Variants in ADAM18 observed in about 807,000 individuals in gnomAD.
ADAM18 encodes disintegrin and metalloproteinase domain-containing protein 18.
In ADAM18, 117 loss-of-function variants were observed where a neutral mutation model predicts 94.4. That is an observed-to-expected ratio of 1.24 (90% CI 1.07 to 1.45). The LOEUF is 1.45. ADAM18 is among the 40% of genes most tolerant of loss of function. The probability of loss-of-function intolerance (pLI) is 0.00; values close to 1 mark genes in which losing one functional copy is unlikely to be tolerated. For missense variants in ADAM18, 936 were observed against 880.0 expected, an observed-to-expected ratio of 1.06 and a Z score of -0.81; for synonymous variants, 327 against 291.6, an observed-to-expected ratio of 1.12 and a Z score of -1.24.
intron 2 of ADAM18, among the ~76,000 whole-genome samples, chr8:39,587,614 T>C (rs1818442846): frequency 6.6e-6 from 1 of 152,202 alleles, no homozygotes; most frequent in African/African-American, 2.4e-5. Flanking sequence ...CTGGATAATT[T>C]TGTATTTTTT....
In ADAM18 at chr8:39,637,666, C is replaced by A. The variant is rs1820121587; in HGVS notation, c.790C>A (p.Leu264Ile). The change falls in exon 9 of 20, where the codon CTC (leucine) becomes ATC (isoleucine). Residue 264 changes from leucine to isoleucine, a missense_variant. Transcript: ENST00000265707. ...QRFLAWKRDY[L>I]ILRPHDIAYL... ...ATTTTTGGCATGGAAACGGGACTATCTCATCCTACGGCCCCATGACATAGC... is the reference window on the plus strand; with the variant it reads ...ATTTTTGGCATGGAAACGGGACTATATCATCCTACGGCCCCATGACATAGC... 6.2e-7 allele frequency: 1 copy of A among 1,611,958 alleles called. No individual in the cohort carries two copies. The highest frequency in any genetic ancestry group is 1.7e-5 in the Admixed American group (1 of 59,722).
At chr8:39,705,424 T>C (rs540871669) in intron 17 of ADAM18, among the ~76,000 whole-genome samples, 1 of 152,198 alleles carries the variant, frequency 6.6e-6, no homozygotes, top group South Asian at 2.1e-4. Flanking sequence ...AGGATTACAG[T>C]TGTGGAATAA....
At chr8:39,600,099 T>G (rs1818859702) in intron 2 of ADAM18, among the ~76,000 whole-genome samples, 2 of 152,182 alleles carry the variant, frequency 1.3e-5, no homozygotes, top group Non-Finnish European at 2.9e-5. Context: ...AAAGTTTTCA[T>G]CTGTTCTTGG....
chr8:39,605,036 G>C (rs556640418), intron 2 of ADAM18, among the ~76,000 whole-genome samples: 28 of 152,076 alleles, frequency 1.8e-4, no homozygotes, highest in Non-Finnish European at 3.4e-4. Context: ...AGCTTACATT[G>C]GTTTAAGGGA....
intron 12 of ADAM18, among the ~76,000 whole-genome samples, chr8:39,649,604 G>A (rs1167450579): frequency 6.6e-6 from 1 of 152,156 alleles, no homozygotes; most frequent in Non-Finnish European, 1.5e-5. Context: ...TAGGCAGATT[G>A]ACACTAAGAG....
chr8:39,729,880 T>C lies in ADAM18; in HGVS notation c.2178-18T>C. ...ACATATTGTGAATTTCTATTTTTTC[T>C]GTTTTTCTTCACTATAGTAATTCAT... On this transcript the variant is annotated intron_variant, in intron 19 of 19. Transcript: ENST00000265707. 6.2e-7 allele frequency: 1 copy of C among 1,609,162 alleles called. No individual in the cohort carries two copies. Among genetic ancestry groups the C allele is most frequent in the Non-Finnish European group, 8.5e-7 (1 of 1,175,600 alleles).
At position 39,606,333 on chromosome 8, in the gene ADAM18, A is replaced by G. The variant is rs1291013837; in HGVS notation, c.159A>G (p.Gly53=). The G allele has an allele frequency of 1.9e-6, 3 of 1,562,186 alleles. No individual in the cohort carries two copies. The highest frequency in any genetic ancestry group is 1.2e-5 in the South Asian group (1 of 83,980). The change falls in exon 3 of 20, where the codon GGA becomes GGG. Residue 53 remains glycine (G), a synonymous_variant. Transcript: ENST00000265707. Reference sequence around the variant, plus strand: ...TGATTTACATCATTACAATTGATGGACAACCTTACACTCTACATCTCGGAA... The same window carrying G: ...TGATTTACATCATTACAATTGATGGGCAACCTTACACTCTACATCTCGGAA... ...RKMIYIITID[G]QPYTLHLGKQ... is the part of the protein sequence containing the mutation.
At chr8:39,648,683 G>A (rs1354695316) in intron 12 of ADAM18, among the ~76,000 whole-genome samples, 156 bp downstream of exon 12, 6 of 152,094 alleles carry the variant, frequency 3.9e-5, no homozygotes, top group South Asian at 4.1e-4. Context: ...TATAAATCAC[G>A]TTCCCACAAC....
At chr8:39,586,790 ATCTATCTATCTATATC>A (rs754621911) in intron 2 of ADAM18, among the ~76,000 whole-genome samples, 86 of 138,174 alleles carry the variant, frequency 6.2e-4, no homozygotes, top group Middle Eastern at 3.7e-3. Context: ...CTATCTATCT[ATCTATCTATCTATATC>A]TATCTATCTA....
chr8:39,623,418 A>G (rs758050825), intron 6 of ADAM18, among the ~76,000 whole-genome samples: 5 of 152,038 alleles, frequency 3.3e-5, no homozygotes, highest in Non-Finnish European at 5.9e-5. Context: ...CTGCTTTTCC[A>G]TAGTAGTTGT....
intron 2 of ADAM18, chr8:39,604,496 T>C (rs1288255215): frequency 6.6e-6 from 1 of 152,108 alleles, no homozygotes; most frequent in Admixed American, 6.5e-5. Context: ...GTGAGAGGTG[T>C]TTGGGTCATG....
chr8:39,692,709 G>A (rs2129580886), intron 17 of ADAM18, 29 bp downstream of exon 17: 1 of 1,524,538 alleles, frequency 6.6e-7, no homozygotes, highest in African/African-American at 1.4e-5. Flanking sequence ...TGAATTGCAT[G>A]TTATTCTTGT....
Position 39,607,530 on chromosome 8 carries a change from G to A in ADAM18, c.188+1168G>A, listed in dbSNP as rs150024231. The stretch of plus-strand genomic sequence containing the variant: ...AGTGTTTTCTGATAGAATCATCAGT[G>A]GTCCTCATGTTTTTGAATGCTCTGT... On this transcript the variant is annotated intron_variant, in intron 3 of 19. Transcript: ENST00000265707. 8.3e-3 allele frequency among the ~76,000 whole-genome samples: 1,256 copies of A among 152,178 alleles called. 23 individuals carry two copies. The highest frequency in any genetic ancestry group is 0.029 in the African/African-American group (1,189 of 41,520).
chr8:39,671,655 T>G (rs1043937067), intron 14 of ADAM18, among the ~76,000 whole-genome samples: 1 of 152,138 alleles, frequency 6.6e-6, no homozygotes, highest in African/African-American at 2.4e-5. Context: ...CAGGCTTCTT[T>G]GAGTCTATTG....
At chr8:39,679,481 G>A (rs912447049) in intron 15 of ADAM18, among the ~76,000 whole-genome samples, 1 of 152,160 alleles carries the variant, frequency 6.6e-6, no homozygotes, top group Non-Finnish European at 1.5e-5. Context: ...TATGTTTGTG[G>A]CATAGAGGGG....
intron 14 of ADAM18, among the ~76,000 whole-genome samples, chr8:39,676,511 A>C (rs1397360282): frequency 6.6e-6 from 1 of 152,176 alleles, no homozygotes; most frequent in Non-Finnish European, 1.5e-5. Context: ...AAAGTGCAAT[A>C]TTTGGGTAGG....
rs761158169 is a variant in ADAM18 at position 39,709,247 on chromosome 8, C to T, written c.2017+2343C>T. On this transcript the variant is annotated intron_variant, in intron 18 of 19. Coordinates refer to ENST00000265707, the MANE Select transcript of ADAM18 (RefSeq NM_014237.3). Reference sequence around the variant, plus strand: ...GGGAAGGTAATCTTCTCTTGAAGTCCAGCCATCTCCAGCCAGATTCTTCTC... The same window carrying T: ...GGGAAGGTAATCTTCTCTTGAAGTCTAGCCATCTCCAGCCAGATTCTTCTC... 1.1e-4 allele frequency among the ~76,000 whole-genome samples: 17 copies of T among 152,276 alleles called. 1 individual carries two copies. In the Middle Eastern group the frequency reaches 0.01, roughly 91 times the overall value.
chr8:39,653,627 A>G (rs1820601061), intron 12 of ADAM18, among the ~76,000 whole-genome samples: 1 of 152,202 alleles, frequency 6.6e-6, no homozygotes, highest in Admixed American at 6.5e-5. Flanking sequence ...AAAAAACCTA[A>G]TATGCCCTAA....
chr8:39,682,166 G>T (rs1219202677), intron 16 of ADAM18, among the ~76,000 whole-genome samples: 1 of 152,106 alleles, frequency 6.6e-6, no homozygotes, highest in African/African-American at 2.4e-5. Flanking sequence ...TTTAAAGAAA[G>T]AAAGGCTGCC....
Sources: allele counts gnomAD v4.1 joint callset (sites outside exome capture counted in the v4.1 genomes callset), GRCh38; gene constraint gnomAD v4.1.1; transcripts MANE v1.5; gene names NCBI Gene and HGNC (gene_info 2026-07-23, HGNC 2026-07-21).